The following FUT9 variants were observed in gnomAD, a reference collection of about 807,000 sequenced individuals.
FUT9 encodes 4-galactosyl-N-acetylglucosaminide 3-alpha-L-fucosyltransferase 9.
In FUT9, 15 loss-of-function variants were observed where a neutral mutation model predicts 29.7. That is an observed-to-expected ratio of 0.51 (90% CI 0.34 to 0.78). FUT9 has a LOEUF of 0.78. Among genes scored for constraint, FUT9 ranks in the 30% least tolerant of loss-of-function variants. FUT9 has a pLI of 0.01. For missense variants in FUT9, 319 were observed against 425.4 expected (o/e 0.75, Z 2.20); for synonymous variants, 169 against 153.7 (o/e 1.10, Z -0.74).
intron 1 of FUT9, among the ~76,000 whole-genome samples, chr6:96,064,792 A>C (rs1770935560): frequency 6.6e-6 from 1 of 151,938 alleles, no homozygotes; most frequent in South Asian, 2.1e-4. Context: ...TACACACACC[A>C]TTCAATTTTC....
At chr6:96,102,636 T>C (rs1771607198) in intron 1 of FUT9, among the ~76,000 whole-genome samples, 1 of 152,222 alleles carries the variant, frequency 6.6e-6, no homozygotes, top group African/African-American at 2.4e-5. Flanking sequence ...CTTAAGCCTA[T>C]AACTTTACTT....
At chr6:96,169,865 A>T (rs1773080591) in intron 2 of FUT9, among the ~76,000 whole-genome samples, 1 of 152,224 alleles carries the variant, frequency 6.6e-6, no homozygotes, top group African/African-American at 2.4e-5. Context: ...GGCAAAGATG[A>T]GTGAGAGGTT....
chr6:96,109,771 A>G (rs1229380844), intron 1 of FUT9, among the ~76,000 whole-genome samples: 2 of 152,152 alleles, frequency 1.3e-5, no homozygotes, highest in Non-Finnish European at 2.9e-5. Flanking sequence ...TTAAAATTGT[A>G]TTCAGATCAT....
intron 1 of FUT9, among the ~76,000 whole-genome samples, chr6:96,049,779 A>G (rs1362622047): frequency 6.6e-6 from 1 of 152,182 alleles, no homozygotes; most frequent in Non-Finnish European, 1.5e-5. Flanking sequence ...TCATTCACAG[A>G]AAAGAGAGAA....
At chr6:96,099,336 T>C (rs1179416703) in intron 1 of FUT9, among the ~76,000 whole-genome samples, 1 of 152,164 alleles carries the variant, frequency 6.6e-6, no homozygotes, top group Non-Finnish European at 1.5e-5. Flanking sequence ...ATTTTTATCC[T>C]TCTTAAGCTA....
rs945200665 is a variant in FUT9 at position 96,214,991 on chromosome 6, G to T, written c.*10756G>T. ...GGAGCAAAGCATTAATTCAAATGAG[G>T]AGTAGTCAGTCCTAGCACTGTAGAC... On this transcript the variant is annotated 3_prime_UTR_variant, in exon 3 of 3. Coordinates refer to ENST00000302103, the MANE Select transcript of FUT9 (RefSeq NM_006581.4). 2 of 166,902 alleles carry T rather than the reference G, an allele frequency of 1.2e-5. No homozygotes were observed. The highest frequency in any genetic ancestry group is 4.8e-5 in the African/African-American group (2 of 41,404). 10.3% of individuals were successfully genotyped at this position (166,902 alleles called of 1,614,324 possible).
chr6:96,140,995 T>C (rs1256033432), intron 2 of FUT9, among the ~76,000 whole-genome samples: 1 of 152,164 alleles, frequency 6.6e-6, no homozygotes, highest in Non-Finnish European at 1.5e-5. Context: ...AACACTTCAG[T>C]TTCTGGGTTG....
intron 1 of FUT9, among the ~76,000 whole-genome samples, chr6:96,029,789 A>T (rs1419947236): frequency 6.6e-6 from 1 of 151,642 alleles, no homozygotes; most frequent in Non-Finnish European, 1.5e-5. Context: ...TGTATTAAAG[A>T]ACCTAATAGG....
chr6:96,051,224 A>G (rs1770663944), intron 1 of FUT9, among the ~76,000 whole-genome samples: 2 of 152,300 alleles, frequency 1.3e-5, no homozygotes, highest in African/African-American at 2.4e-5. Flanking sequence ...TTTGTGGGGC[A>G]TGCTTTTATA....
intron 2 of FUT9, among the ~76,000 whole-genome samples, chr6:96,163,554 C>G (rs894437389): frequency 2.6e-5 from 4 of 152,130 alleles, no homozygotes; most frequent in African/African-American, 7.2e-5. Context: ...CAAACACCAA[C>G]CTGTAACCAA....
chr6:96,212,417 A>C lies in FUT9; in HGVS notation c.*8182A>C. On this transcript the variant is annotated 3_prime_UTR_variant, in exon 3 of 3. Coordinates refer to ENST00000302103, the MANE Select transcript of FUT9 (RefSeq NM_006581.4). ...TATCTGATTGTCTATGTAAACCTGG[A>C]AGTAGTCTACTTTTTAGATAAAAGA... 1 of 412,114 alleles carries C rather than the reference A, an allele frequency of 2.4e-6. No homozygotes were observed. Among genetic ancestry groups the C allele is most frequent in the Non-Finnish European group, 4.4e-6 (1 of 225,132 alleles). 25.5% of individuals were successfully genotyped at this position (412,114 alleles called of 1,614,324 possible).
intron 1 of FUT9, among the ~76,000 whole-genome samples, chr6:96,078,859 G>A (rs922301847): frequency 6.6e-6 from 1 of 152,184 alleles, no homozygotes; most frequent in Admixed American, 6.5e-5. Flanking sequence ...TGATTAATCA[G>A]TGAGTTGGTC....
chr6:96,082,358 C>CA (rs1027436067), intron 1 of FUT9, among the ~76,000 whole-genome samples: 3 of 150,496 alleles, frequency 2.0e-5, no homozygotes, highest in African/African-American at 7.3e-5. Flanking sequence ...TTTACTTTCA[C>CA]TTTTTTTTTC....
intron 2 of FUT9, among the ~76,000 whole-genome samples, chr6:96,168,204 G>T (rs1489381925): frequency 6.6e-6 from 1 of 152,178 alleles, no homozygotes; most frequent in African/African-American, 2.4e-5. Context: ...ATGAATTTGA[G>T]ATGTCTGTGG....
intron 1 of FUT9, among the ~76,000 whole-genome samples, chr6:96,058,115 T>C (rs1299527974): frequency 6.6e-6 from 1 of 152,066 alleles, no homozygotes; most frequent in Admixed American, 6.6e-5. Flanking sequence ...GATCTCCTTA[T>C]TTCAGAGCTG....
chr6:96,194,127 C>T (rs1471899603), intron 2 of FUT9, among the ~76,000 whole-genome samples: 1 of 152,140 alleles, frequency 6.6e-6, no homozygotes, highest in Non-Finnish European at 1.5e-5. Flanking sequence ...GGGTGCAGCA[C>T]ACCAACATGG....
rs947223318 is a variant in FUT9, at chr6:96,132,948, T to G, written c.-9+18821T>G. Among the ~76,000 whole-genome samples the G allele has an allele frequency of 4.0e-5, 6 of 151,866 alleles. 1 individual carries two copies. The highest frequency in any genetic ancestry group is 4.1e-4 in the South Asian group (2 of 4,830). On this transcript the variant is annotated intron_variant, in intron 2 of 2. Coordinates refer to ENST00000302103, the MANE Select transcript of FUT9 (RefSeq NM_006581.4). ...GCCATTTATTTATTTATTTATTTATTATTTCAATAGGTTTTGGGGAACAGA... is the reference window on the plus strand; with the variant it reads ...GCCATTTATTTATTTATTTATTTATGATTTCAATAGGTTTTGGGGAACAGA...
At chr6:96,078,482 G>A (rs1164300141) in intron 1 of FUT9, among the ~76,000 whole-genome samples, 2 of 131,174 alleles carry the variant, frequency 1.5e-5, no homozygotes, top group African/African-American at 2.8e-5. Flanking sequence ...GTGCAGTGGC[G>A]CGATCTTGGC....
intron 1 of FUT9, among the ~76,000 whole-genome samples, chr6:96,067,081 G>T (rs1190044432): frequency 6.6e-6 from 1 of 151,280 alleles, no homozygotes; most frequent in Non-Finnish European, 1.5e-5. Context: ...GATCAATAAG[G>T]CATGACCTCT....
Sources: gnomAD v4.1 joint callset for allele counts (sites outside exome capture counted in the v4.1 genomes callset) on GRCh38, gnomAD v4.1.1 for gene constraint, MANE v1.5 for transcripts, NCBI Gene and HGNC (gene_info 2026-07-23, HGNC 2026-07-21) for gene names.